The following RHOBTB2 variants were observed in gnomAD, a reference collection of about 807,000 sequenced individuals.
The protein encoded by RHOBTB2 is rho-related BTB domain-containing protein 2.
In RHOBTB2, 39 loss-of-function variants were observed where a neutral mutation model predicts 66.5. That is an observed-to-expected ratio of 0.59 (90% CI 0.45 to 0.77). The LOEUF (loss-of-function observed/expected upper bound fraction) is 0.77, where lower values mean the gene tolerates loss of function less well. RHOBTB2 is among the 30% of genes least tolerant of loss of function. The pLI, the probability that RHOBTB2 is intolerant of heterozygous loss-of-function variation, is 0.00. For missense variants in RHOBTB2, 755 were observed against 999.1 expected (o/e 0.76, Z 3.29); for synonymous variants, 390 against 395.0 (o/e 0.99, Z 0.15).
chr8:22,977,521 G>A, the RHOBTB2 span, among the ~76,000 whole-genome samples: 2 of 148,256 alleles, frequency 1.3e-5, no homozygotes, highest in Non-Finnish European at 3.0e-5. Context: ...GCAGTAAGCC[G>A]AGATCATATC....
At chr8:22,956,627 C>A in the RHOBTB2 span, among the ~76,000 whole-genome samples, 1 of 152,250 alleles carries the variant, frequency 6.6e-6, no homozygotes, top group East Asian at 1.9e-4. Context: ...TTCAATTAAA[C>A]CTTTCTAAAT....
the RHOBTB2 span, among the ~76,000 whole-genome samples, chr8:22,951,241 GCT>G: frequency 7.9e-6 from 1 of 127,308 alleles, no homozygotes; most frequent in African/African-American, 3.0e-5. Flanking sequence ...TTTCTACTTA[GCT>G]CTTTTTTTTT....
rs937708635 is a variant in RHOBTB2, at chr8:23,005,242, G to A, written c.193-130G>A. 11 of 662,730 alleles carry A rather than the reference G, an allele frequency of 1.7e-5. No individual in the cohort carries two copies. The Admixed American group carries it at 2.4e-4, about 15-fold the overall frequency. 41.1% of individuals were successfully genotyped at this position (662,730 alleles called of 1,614,324 possible). On this transcript the variant is annotated intron_variant, in intron 2 of 9. Transcript: ENST00000251822. ...TTGTGCAGGGTGCACAGTGGGCGAT[G>A]CCAGCCTTGTCCCTCCATGCCCAGT...
chr8:22,975,727 G>C, the RHOBTB2 span, among the ~76,000 whole-genome samples: 1 of 152,248 alleles, frequency 6.6e-6, no homozygotes, highest in African/African-American at 2.4e-5. Context: ...GGAGCAAAAG[G>C]TGGGATAGGC....
chr8:22,994,261 C>G (rs778001256), intron 2 of RHOBTB2, among the ~76,000 whole-genome samples: 1 of 152,166 alleles, frequency 6.6e-6, no homozygotes, highest in African/African-American at 2.4e-5. Flanking sequence ...CATGACTGAC[C>G]GCTCTTTTCC....
At chr8:22,995,810 C>G, upstream of RHOBTB2, 4 of 1,547,336 alleles carry the variant, frequency 2.6e-6, no homozygotes, top group East Asian at 7.3e-5. Context: ...GGGCGGAGCT[C>G]ATGTCACAAG....
chr8:22,978,188 C>A, the RHOBTB2 span: 10 of 151,924 alleles, frequency 6.6e-5, no homozygotes, highest in African/African-American at 2.4e-4. Context: ...AATAAAAAAT[C>A]GGTATTTAGG....
At chr8:23,009,210 G>A (rs1811064091) in intron 6 of RHOBTB2, among the ~76,000 whole-genome samples, 1 of 141,366 alleles carries the variant, frequency 7.1e-6, no homozygotes. Context: ...GGGAGGGAGG[G>A]AGGAAGGGAA....
At chr8:22,999,262 T>G (rs1810677686), upstream of RHOBTB2, 1 of 155,118 alleles carries the variant, frequency 6.4e-6, no homozygotes, top group Non-Finnish European at 1.4e-5. Flanking sequence ...CAGGGTGCAC[T>G]AGGATGCCTC....
At chr8:23,009,267 C>G (rs980897742) in intron 6 of RHOBTB2, among the ~76,000 whole-genome samples, 1 of 152,112 alleles carries the variant, frequency 6.6e-6, no homozygotes, top group Admixed American at 6.5e-5. Context: ...ATCAGTGACC[C>G]TCTAGCTCTC....
upstream of RHOBTB2, among the ~76,000 whole-genome samples, chr8:22,996,702 G>C (rs1810577365): frequency 2.0e-5 from 3 of 152,110 alleles, no homozygotes; most frequent in Admixed American, 2.0e-4. Flanking sequence ...CCTGGGGTGG[G>C]AGGGCGCAGT....
At chr8:22,986,032 T>C (rs12676638), upstream of RHOBTB2, among the ~76,000 whole-genome samples, 1 of 151,892 alleles carries the variant, frequency 6.6e-6, no homozygotes, top group African/African-American at 2.4e-5. Flanking sequence ...AAGTAAGAGA[T>C]GGGAAAAGTA....
Position 23,004,230 on chromosome 8 carries a change from C to T in RHOBTB2, c.-10-195C>T, listed in dbSNP as rs987663415. On this transcript the variant is annotated intron_variant, in intron 1 of 9. Transcript: ENST00000251822. The surrounding 1 kb of genome is among the most constrained non-coding windows in gnomAD (Gnocchi z 6.4). ...GCCCATCTGGTGACACTGCTCCTCT[C>T]AGCCTGAATGGGCTCCTGGCCCCTT... 2 of 603,928 alleles carry T rather than the reference C, an allele frequency of 3.3e-6. No individual in the cohort carries two copies. The highest frequency in any genetic ancestry group is 5.9e-6 in the Non-Finnish European group (2 of 337,034). The allele number at this position is 603,928 out of a possible 1,614,324, so 37.4% of individuals were successfully genotyped here.
the RHOBTB2 span, among the ~76,000 whole-genome samples, chr8:22,963,891 C>T: frequency 2.6e-5 from 4 of 152,088 alleles, no homozygotes; most frequent in Admixed American, 2.6e-4. Flanking sequence ...AAGCAATTCT[C>T]CTGCCTCAGC....
chr8:23,019,802 A>T lies in RHOBTB2; in HGVS notation c.*2333A>T. On this transcript the variant is annotated 3_prime_UTR_variant, in exon 10 of 10. Coordinates refer to ENST00000251822, the MANE Select transcript of RHOBTB2 (RefSeq NM_015178.3). ...AGGGACCCACCGCCCATTCCCCGAG[A>T]GCTGTCGGAACCAGATGCAACCCGG... is the stretch of plus-strand genomic sequence containing the variant. 6.2e-6 allele frequency: 1 copy of T among 162,402 alleles called. No individual in the cohort carries two copies. Among genetic ancestry groups the T allele is most frequent in the East Asian group, 1.8e-4 (1 of 5,602 alleles). The allele number at this position is 162,402 out of a possible 1,614,324, so 10.1% of individuals were successfully genotyped here.
chr8:23,006,217 G>A lies in RHOBTB2; in HGVS notation c.482+72G>A, dbSNP rs1585190517. The A allele has an allele frequency of 6.0e-6, 8 of 1,336,332 alleles. No individual in the cohort carries two copies. In the East Asian group the frequency reaches 1.2e-4, roughly 19 times the overall value. The allele number at this position is 1,336,332 out of a possible 1,614,324, so 82.8% of individuals were successfully genotyped here. A position where few individuals can be genotyped will look rare whatever the true frequency, so the allele number is the denominator to read the frequency against. On this transcript the variant is annotated intron_variant, in intron 4 of 9. Transcript: ENST00000251822. This position sits in a 1 kb window ranked among gnomAD's most constrained non-coding sequence, Gnocchi z 6.1. ...CCATGGCTCCCTGCTCAGCCCTGGG[G>A]GAATTCCACTGAGCCTCATATCTCT...
the RHOBTB2 span, among the ~76,000 whole-genome samples, chr8:22,971,322 C>A: frequency 6.6e-6 from 1 of 151,416 alleles, no homozygotes; most frequent in South Asian, 2.1e-4. Context: ...GTAGCTGCAG[C>A]TACCGGCATG....
At chr8:22,982,941 T>C (rs760273081), upstream of RHOBTB2, among the ~76,000 whole-genome samples, 32 of 152,352 alleles carry the variant, frequency 2.1e-4, no homozygotes, top group Non-Finnish European at 4.0e-4. Context: ...CTCAGGCCTC[T>C]GCCTCTTTTA....
At chr8:22,978,323 T>G in the RHOBTB2 span, among the ~76,000 whole-genome samples, 3 of 151,790 alleles carry the variant, frequency 2.0e-5, no homozygotes, top group East Asian at 5.8e-4. Context: ...CTGTCTCTAC[T>G]AAAAATACAA....
Sources: allele counts gnomAD v4.1 joint callset (sites outside exome capture counted in the v4.1 genomes callset), GRCh38; gene constraint gnomAD v4.1.1; non-coding constraint Gnocchi (gnomAD v3.1); transcripts MANE v1.5; gene names NCBI Gene and HGNC (gene_info 2026-07-23, HGNC 2026-07-21).